Variants in DIRAS1 observed in about 807,000 individuals in gnomAD.
DIRAS1 encodes DIRAS family GTPase 1.
A neutral mutation model predicts 11.5 loss-of-function variants in DIRAS1; 3 were observed. The ratio of observed to expected loss-of-function variants is 0.26; its 90% CI spans 0.12 to 0.67. The LOEUF (loss-of-function observed/expected upper bound fraction) is 0.67. Ranked by LOEUF, DIRAS1 falls within the 30% of genes least tolerant of loss-of-function variation. The pLI is 0.80. For missense variants in DIRAS1, 212 were observed against 285.3 expected, an observed-to-expected ratio of 0.74 and a Z score of 1.85; for synonymous variants, 128 against 125.8, an observed-to-expected ratio of 1.02 and a Z score of -0.12.
At position 2,717,137 on chromosome 19, in the gene DIRAS1, A is replaced by G; in HGVS notation, c.*73T>C. The G allele has an allele frequency of 7.5e-7, 1 of 1,327,778 alleles. No homozygotes were observed. Among genetic ancestry groups the G allele is most frequent in the Non-Finnish European group, 9.8e-7 (1 of 1,019,086 alleles). 82.2% of individuals were successfully genotyped at this position (1,327,778 alleles called of 1,614,324 possible). A position where few individuals can be genotyped will look rare whatever the true frequency, so the allele number is the denominator to read the frequency against. On this transcript the variant is annotated 3_prime_UTR_variant, in exon 2 of 2. Transcript: ENST00000323469. ...AGGATGAGAGAAGAGGAGGAGGCCG[A>G]GGAGGGTGTCGGTGTTGGGGGAGGC...
intron 1 of DIRAS1, among the ~76,000 whole-genome samples, chr19:2,721,075 G>C (rs969849239): frequency 6.7e-6 from 1 of 149,880 alleles, no homozygotes; most frequent in Non-Finnish European, 1.5e-5. Context: ...CGCCCTCCGG[G>C]TGGGGGAGGG....
At position 2,717,894 on chromosome 19, in the gene DIRAS1, C is replaced by T. The variant is rs866892108; in HGVS notation, c.-69-19G>A. On this transcript the variant is annotated intron_variant, in intron 1 of 1. Coordinates refer to ENST00000323469, the MANE Select transcript of DIRAS1 (RefSeq NM_145173.4). ...ACCGAGCCTGTGCAGAGAGGAGGGT[C>T]ACACGTCAAAGGCCACCCAGGCTTG... The T allele has an allele frequency of 8.7e-6, 12 of 1,377,494 alleles. No homozygotes were observed. The Middle Eastern group carries it at 8.7e-4, about 99-fold the overall frequency. 85.3% of individuals were successfully genotyped at this position (1,377,494 alleles called of 1,614,324 possible). A position where few individuals can be genotyped will look rare whatever the true frequency, so the allele number is the denominator to read the frequency against.
Position 2,716,060 on chromosome 19 carries a change from C to G in DIRAS1, c.*1150G>C, listed in dbSNP as rs913103683. 1.3e-5 allele frequency: 2 copies of G among 152,308 alleles called. No homozygotes were observed. Among genetic ancestry groups the G allele is most frequent in the Non-Finnish European group, 2.9e-5 (2 of 68,092 alleles). 9.4% of individuals were successfully genotyped at this position (152,308 alleles called of 1,614,324 possible). Reference sequence around the variant, plus strand: ...CACTTAGATACAAGTCACCCATCCGCGCACCCCAGGTTGCACAAATACACC... The same window carrying G: ...CACTTAGATACAAGTCACCCATCCGGGCACCCCAGGTTGCACAAATACACC... On this transcript the variant is annotated 3_prime_UTR_variant, in exon 2 of 2. Transcript: ENST00000323469.
chr19:2,717,220 G>C lies in DIRAS1; in HGVS notation c.587C>G (p.Thr196Ser). 1 of 1,589,026 alleles carries C rather than the reference G, an allele frequency of 6.3e-7. No individual in the cohort carries two copies. The highest frequency in any genetic ancestry group is 2.3e-5 in the East Asian group (1 of 44,272). Residue 196 changes from threonine (T) to serine (S), a missense_variant, in exon 2 of 2, where the codon ACC becomes AGC. Transcript: ENST00000323469. Reference protein sequence around the residue: ...KRTDRVKGKCTLM With the variant: ...KRTDRVKGKCSLM ...GCGGGCGTTCCGGGCTCACATGAGG[G>C]TGCATTTGCCCTTGACGCGGTCTGT...
At chr19:2,720,478 G>A (rs1913927716) in intron 1 of DIRAS1, among the ~76,000 whole-genome samples, 1 of 152,156 alleles carries the variant, frequency 6.6e-6, no homozygotes, top group African/African-American at 2.4e-5. Flanking sequence ...GGAGGGGCTG[G>A]CTCAAGGTCA....
At chr19:2,720,230 A>T (rs531239529) in intron 1 of DIRAS1, among the ~76,000 whole-genome samples, 138 of 152,228 alleles carry the variant, frequency 9.1e-4, no homozygotes, top group Non-Finnish European at 1.5e-3. Context: ...AGACGCCACC[A>T]AGACCGGCCT....
At chr19:2,720,138 G>GT (rs1247421334) in intron 1 of DIRAS1, among the ~76,000 whole-genome samples, 1 of 152,144 alleles carries the variant, frequency 6.6e-6, no homozygotes, top group African/African-American at 2.4e-5. Context: ...GGTGCTGGTG[G>GT]TGGGGGGGAG....
At chr19:2,719,753 G>T (rs558967029) in intron 1 of DIRAS1, among the ~76,000 whole-genome samples, 1 of 152,254 alleles carries the variant, frequency 6.6e-6, no homozygotes, top group South Asian at 2.1e-4. Context: ...AAGTCCCTAA[G>T]CCTCCGTTTT....
At position 2,717,201 on chromosome 19, in the gene DIRAS1, G is replaced by A. The variant is rs776453682; in HGVS notation, c.*9C>T. ...GGGGGTGGGCGGCGGGCAGGCGGGCGTTCCGGGCTCACATGAGGGTGCATT... is the reference window on the plus strand; with the variant it reads ...GGGGGTGGGCGGCGGGCAGGCGGGCATTCCGGGCTCACATGAGGGTGCATT... On this transcript the variant is annotated 3_prime_UTR_variant, in exon 2 of 2. Coordinates refer to ENST00000323469, the MANE Select transcript of DIRAS1 (RefSeq NM_145173.4). 127 of 1,569,796 alleles carry A rather than the reference G, an allele frequency of 8.1e-5. No individual in the cohort carries two copies. The highest frequency in any genetic ancestry group is 4.8e-4 in the East Asian group (21 of 44,172).
At chr19:2,717,996 C>T in intron 1 of DIRAS1, 121 bp from the exon 2 acceptor site, 1 of 635,746 alleles carries the variant, frequency 1.6e-6, no homozygotes. Context: ...TGCCTCCTGC[C>T]TCCTGAAAAG....
At chr19:2,721,138 C>A (rs1013039495) in intron 1 of DIRAS1, among the ~76,000 whole-genome samples, 166 bp downstream of exon 1, 6 of 113,526 alleles carry the variant, frequency 5.3e-5, no homozygotes, top group Admixed American at 2.4e-4. Context: ...CCGGGCCCGG[C>A]GGGAAGGGAC....
chr19:2,717,414 G>C lies in DIRAS1; in HGVS notation c.393C>G (p.Asp131Glu), dbSNP rs1208971576. The stretch of plus-strand genomic sequence containing the variant: ...GGGCCACCGCCTGCGCCTCGCGCGT[G>C]TCCACCTCCCGCTGCGTCTCATCGC... Reference protein sequence around the residue: ...NKCDETQREVDTREAQAVAQE... With the variant: ...NKCDETQREVETREAQAVAQE... Residue 131 changes from aspartate (D) to glutamate (E), a missense_variant, in exon 2 of 2, where the codon GAC becomes GAG. Asp to Glu is a conservative substitution (Grantham distance 45). Transcript: ENST00000323469. 6.2e-7 allele frequency: 1 copy of C among 1,608,000 alleles called. No homozygotes were observed. Among genetic ancestry groups the C allele is most frequent in the South Asian group, 1.1e-5 (1 of 91,090 alleles).
rs1026378787 is a variant in DIRAS1 at position 2,718,443 on chromosome 19, T to C, written c.-69-568A>G. Among the ~76,000 whole-genome samples, 1 of 152,230 alleles carries C rather than the reference T, an allele frequency of 6.6e-6. No individual in the cohort carries two copies. Among genetic ancestry groups the C allele is most frequent in the African/African-American group, 2.4e-5 (1 of 41,456 alleles). On this transcript the variant is annotated intron_variant, in intron 1 of 1. Transcript: ENST00000323469. This position sits in a 1 kb window ranked among gnomAD's most constrained non-coding sequence, Gnocchi z 4.2. Reference sequence around the variant, plus strand: ...CATGGTCGGGTGTTTAAGATGCATATGTCAGGGCCGCAGCCCTAGGTGTGA... The same window carrying C: ...CATGGTCGGGTGTTTAAGATGCATACGTCAGGGCCGCAGCCCTAGGTGTGA...
rs1266992740 is a variant in DIRAS1, at chr19:2,717,747, C to T, written c.60G>A (p.Lys20=). The T allele has an allele frequency of 1.9e-6, 3 of 1,604,428 alleles. No individual in the cohort carries two copies. In the South Asian group the frequency reaches 3.3e-5, roughly 18 times the overall value. The change falls in exon 2 of 2, where the codon AAG becomes AAA. Residue 20 remains lysine, a synonymous_variant. Transcript: ENST00000323469. ...VVVFGAGGVG[K]SSLVLRFVKG... ...TCACGAAGCGCAGCACCAGCGAGCTCTTGCCCACGCCGCCCGCCCCGAACA... is the reference window on the plus strand; with the variant it reads ...TCACGAAGCGCAGCACCAGCGAGCTTTTGCCCACGCCGCCCGCCCCGAACA...
At chr19:2,720,232 G>C (rs948038775) in intron 1 of DIRAS1, among the ~76,000 whole-genome samples, 1 of 152,214 alleles carries the variant, frequency 6.6e-6, no homozygotes, top group East Asian at 1.9e-4. Flanking sequence ...ACGCCACCAA[G>C]ACCGGCCTGG....
At chr19:2,721,281 C>A (rs2144685345) in intron 1 of DIRAS1, 23 bp downstream of exon 1, 1 of 148,242 alleles carries the variant, frequency 6.7e-6, no homozygotes, top group South Asian at 2.1e-4. Context: ...GCAGGGACCC[C>A]CTCCCCGCCC....
In DIRAS1 at chr19:2,715,111, CTGAG is replaced by C. The variant is rs1156235291; in HGVS notation, c.*2095_*2098del. On this transcript the variant is annotated 3_prime_UTR_variant, in exon 2 of 2. Coordinates refer to ENST00000323469, the MANE Select transcript of DIRAS1 (RefSeq NM_145173.4). ...ACGCACGTGTGCACACTCCCTCTCT[CTGAG>C]TGTGTCCAATAAACATTTGTTGAGT... 5 of 152,248 alleles carry C rather than the reference CTGAG, an allele frequency of 3.3e-5. No homozygotes were observed. The highest frequency in any genetic ancestry group is 2.1e-4 in the South Asian group (1 of 4,836). 9.4% of individuals were successfully genotyped at this position (152,248 alleles called of 1,614,324 possible).
chr19:2,718,050 G>A lies in DIRAS1; in HGVS notation c.-69-175C>T, dbSNP rs937182152. The A allele has an allele frequency of 7.0e-6, 4 of 570,196 alleles. No homozygotes were observed. The highest frequency in any genetic ancestry group is 4.7e-5 in the South Asian group (2 of 42,218). 35.3% of individuals were successfully genotyped at this position (570,196 alleles called of 1,614,324 possible). ...GACTTTGCAGTTCTGTCCCACAGGC[G>A]GGCGCACAGCCAACACCCTTTGCTT... On this transcript the variant is annotated intron_variant, in intron 1 of 1. Transcript: ENST00000323469. This position sits in a 1 kb window ranked among gnomAD's most constrained non-coding sequence, Gnocchi z 4.2.
rs1024194426 is a variant in DIRAS1 at position 2,717,069 on chromosome 19, G to T, written c.*141C>A. The T allele has an allele frequency of 5.4e-5, 41 of 765,366 alleles. No homozygotes were observed. Among genetic ancestry groups the T allele is most frequent in the Middle Eastern group, 7.6e-4 (2 of 2,646 alleles). 47.4% of individuals were successfully genotyped at this position (765,366 alleles called of 1,614,324 possible). ...TCGGGGTGGGCAGGGGCAGCGGAGG[G>T]GGGGGCGGTGGCCTCGGTTTCCCCA... is the stretch of plus-strand genomic sequence containing the variant. On this transcript the variant is annotated 3_prime_UTR_variant, in exon 2 of 2. Transcript: ENST00000323469.
Sources: gnomAD v4.1 joint callset for allele counts (sites outside exome capture counted in the v4.1 genomes callset) on GRCh38, gnomAD v4.1.1 for gene constraint, Gnocchi (gnomAD v3.1) non-coding constraint, MANE v1.5 for transcripts, NCBI Gene and HGNC (gene_info 2026-07-23, HGNC 2026-07-21) for gene names.